APOOL: variants seen among roughly 807,000 people sequenced by gnomAD.
The protein encoded by APOOL is MICOS complex subunit MIC27.
APOOL carries 12 observed loss-of-function variants against 23.1 expected under a neutral mutation model. The ratio of observed to expected loss-of-function variants is 0.52; its 90% CI spans 0.33 to 0.84. The LOEUF (loss-of-function observed/expected upper bound fraction) is 0.84, where lower values mean the gene tolerates loss of function less well. Ranked by LOEUF, APOOL falls within the 40% of genes least tolerant of loss-of-function variation. APOOL has a pLI of 0.02. For synonymous variants in APOOL, 77 were observed against 69.9 expected (o/e 1.10, Z -0.51); for missense variants, 212 against 199.6 (o/e 1.06, Z -0.37).
chrX:85,072,232 T>C (rs1298881296), intron 6 of APOOL, among the ~76,000 whole-genome samples: 1 of 112,697 alleles, frequency 8.9e-6, no homozygotes, highest in Non-Finnish European at 1.9e-5. Context: ...ATATGTAAGA[T>C]ACTTGATTTC....
At position 85,088,199 on chromosome X, in the gene APOOL, CAT is replaced by C. The variant is rs66463308; in HGVS notation, c.*528_*529del. ...ATGTATAAATACATACATATTTATA[CAT>C]ATATATGTATAAATACATACATATT... On this transcript the variant is annotated 3_prime_UTR_variant, in exon 9 of 9. Transcript: ENST00000373173. 189 of 25,653 alleles carry C rather than the reference CAT, an allele frequency of 7.4e-3. 8 individuals carry two copies. The highest frequency in any genetic ancestry group is 0.018 in the African/African-American group (153 of 8,527). 2.1% of individuals were successfully genotyped at this position (25,653 alleles called of 1,213,427 possible).
At chrX:85,052,715 A>T (rs1439807202) in intron 3 of APOOL, among the ~76,000 whole-genome samples, 1 of 111,706 alleles carries the variant, frequency 9.0e-6, no homozygotes, top group Admixed American at 9.5e-5. Context: ...GTTGTACTAC[A>T]CACTATTAAT....
At chrX:85,056,683 T>C (rs1275500381) in intron 5 of APOOL, among the ~76,000 whole-genome samples, 7 of 111,192 alleles carry the variant, frequency 6.3e-5, no homozygotes, top group Admixed American at 9.6e-5. Context: ...GCAGAGGTTG[T>C]GATGAGCCAA....
chrX:85,023,230 T>G (rs1008604610), intron 1 of APOOL, among the ~76,000 whole-genome samples: 1 of 111,877 alleles, frequency 8.9e-6, no homozygotes, highest in African/African-American at 3.2e-5. Flanking sequence ...TTTAGTAAAG[T>G]TGAAGAATAC....
chrX:85,019,453 T>G (rs1921585387), intron 1 of APOOL, among the ~76,000 whole-genome samples: 1 of 112,110 alleles, frequency 8.9e-6, no homozygotes, highest in Non-Finnish European at 1.9e-5. Flanking sequence ...ATATGTGACT[T>G]TCCAGCCTCC....
chrX:85,085,418 A>G (rs916670284), intron 8 of APOOL, among the ~76,000 whole-genome samples: 25 of 112,031 alleles, frequency 2.2e-4, no homozygotes, highest in African/African-American at 7.1e-4. Flanking sequence ...AATTTATTCT[A>G]TGGAGAGCTG....
chrX:85,056,394 G>T (rs1922964816), intron 5 of APOOL, among the ~76,000 whole-genome samples: 1 of 111,552 alleles, frequency 9.0e-6, no homozygotes. Context: ...TTAAAAAAAA[G>T]TTACCTAGAA....
chrX:85,013,296 C>G (rs1834687267), intron 1 of APOOL, among the ~76,000 whole-genome samples: 1 of 111,453 alleles, frequency 9.0e-6, no homozygotes, highest in South Asian at 3.7e-4. Flanking sequence ...TTTTATTTAT[C>G]TCTTGTATTT....
chrX:85,020,933 G>T (rs945486298), intron 1 of APOOL, among the ~76,000 whole-genome samples: 4 of 111,792 alleles, frequency 3.6e-5, no homozygotes, highest in African/African-American at 1.3e-4. Context: ...GCCCCAGACA[G>T]GTCCTTGCAG....
At chrX:85,006,945 G>A (rs1201061278) in intron 1 of APOOL, among the ~76,000 whole-genome samples, 1 of 111,540 alleles carries the variant, frequency 9.0e-6, no homozygotes, top group African/African-American at 3.3e-5. Context: ...AACAAGTGGA[G>A]GGATTAACCT....
At chrX:85,078,591 A>G (rs1420340291) in intron 8 of APOOL, among the ~76,000 whole-genome samples, 4 of 111,199 alleles carry the variant, frequency 3.6e-5, no homozygotes, top group Admixed American at 9.6e-5. Context: ...TTGGTTCCAT[A>G]TGAACTTTAA....
At chrX:85,021,872 A>T (rs1921677300) in intron 1 of APOOL, among the ~76,000 whole-genome samples, 1 of 112,327 alleles carries the variant, frequency 8.9e-6, no homozygotes, top group African/African-American at 3.2e-5. Flanking sequence ...CTCAGTTCTA[A>T]AAAAGAGAGA....
chrX:85,079,919 G>T (rs1295784660), intron 8 of APOOL, among the ~76,000 whole-genome samples: 1 of 111,613 alleles, frequency 9.0e-6, no homozygotes, highest in Non-Finnish European at 1.9e-5. Flanking sequence ...TTGTATTTCT[G>T]TGGGATTGGT....
chrX:85,084,227 C>T (rs1452956448), intron 8 of APOOL, among the ~76,000 whole-genome samples: 3 of 105,352 alleles, frequency 2.8e-5, no homozygotes, highest in Non-Finnish European at 5.8e-5. Context: ...CCTCTGCCTC[C>T]CGGGTTCAAG....
intron 5 of APOOL, among the ~76,000 whole-genome samples, chrX:85,060,511 G>A (rs1923168975): frequency 9.1e-6 from 1 of 109,703 alleles, no homozygotes; most frequent in African/African-American, 3.3e-5. Context: ...CTACCCATGA[G>A]CATGGAATGT....
chrX:85,004,270 A>G lies in APOOL; in HGVS notation c.15+343A>G, dbSNP rs370251867. 2.2e-4 allele frequency among the ~76,000 whole-genome samples: 25 copies of G among 111,655 alleles called. 2 individuals carry two copies. The East Asian group carries it at 3.4e-3, about 15-fold the overall frequency. ...CTGCAATAAAGAGAAAAATATATATATAAACTTGGCATTTGTCTCGGCGCA... is the reference window on the plus strand; with the variant it reads ...CTGCAATAAAGAGAAAAATATATATGTAAACTTGGCATTTGTCTCGGCGCA... On this transcript the variant is annotated intron_variant, in intron 1 of 8. Coordinates refer to ENST00000373173, the MANE Select transcript of APOOL (RefSeq NM_198450.6).
chrX:85,074,408 T>A lies in APOOL; in HGVS notation c.718+17T>A. On this transcript the variant is annotated intron_variant, in intron 8 of 8. Coordinates refer to ENST00000373173, the MANE Select transcript of APOOL (RefSeq NM_198450.6). ...CCACTTCAGGTTTGTTGGGTATAAG[T>A]CAATTTTGTTTTCATTCTTTTCTTA... 8.3e-7 allele frequency: 1 copy of A among 1,205,498 alleles called. No individual in the cohort carries two copies. The highest frequency in any genetic ancestry group is 1.1e-6 in the Non-Finnish European group (1 of 891,812).
At chrX:85,049,377 A>G (rs1364672238) in intron 2 of APOOL, among the ~76,000 whole-genome samples, 1 of 111,695 alleles carries the variant, frequency 9.0e-6, no homozygotes, top group Admixed American at 9.6e-5. Flanking sequence ...ATACTTTAAA[A>G]CACTGGTTCT....
At chrX:85,054,485 C>T in intron 4 of APOOL, 87 bp downstream of exon 4, 1 of 760,703 alleles carries the variant, frequency 1.3e-6, no homozygotes, top group Non-Finnish European at 1.9e-6. Context: ...GTATGTTACC[C>T]ATTATCATGC....
Sources: gnomAD v4.1 joint callset for allele counts (sites outside exome capture counted in the v4.1 genomes callset) on GRCh38, gnomAD v4.1.1 for gene constraint, MANE v1.5 for transcripts, NCBI Gene and HGNC (gene_info 2026-07-23, HGNC 2026-07-21) for gene names.